Variants in ARHGEF37 observed in about 807,000 individuals in gnomAD.
ARHGEF37 encodes Rho guanine nucleotide exchange factor 37, also known as Rho guanine nucleotide exchange factor (GEF) 37.
ARHGEF37 carries 55 observed loss-of-function variants against 71.1 expected under a neutral mutation model. The ratio of observed to expected loss-of-function variants is 0.77; its 90% CI spans 0.62 to 0.97. The LOEUF is 0.97. Ranked by LOEUF, ARHGEF37 falls within the 50% of genes least tolerant of loss-of-function variation. The pLI is 0.00. For synonymous variants in ARHGEF37, 327 were observed against 350.6 expected, an observed-to-expected ratio of 0.93 and a Z score of 0.75; for missense variants, 765 against 836.8, an observed-to-expected ratio of 0.91 and a Z score of 1.06.
chr5:149,598,251 T>C (rs182900291), intron 2 of ARHGEF37, among the ~76,000 whole-genome samples: 1 of 143,736 alleles, frequency 7.0e-6, no homozygotes, highest in African/African-American at 2.5e-5. Flanking sequence ...TGGAACAGAT[T>C]GCTTAAACTG....
chr5:149,597,980 C>T, intron 2 of ARHGEF37, 25 bp downstream of exon 2: 1 of 1,544,546 alleles, frequency 6.5e-7, no homozygotes, highest in South Asian at 1.2e-5. Context: ...TCACACACAA[C>T]CTGTCTTTAT....
intron 1 of ARHGEF37, among the ~76,000 whole-genome samples, chr5:149,576,227 A>C (rs1246593376): frequency 6.6e-6 from 1 of 152,258 alleles, no homozygotes; most frequent in Non-Finnish European, 1.5e-5. Flanking sequence ...CCTGAGTGAC[A>C]AAGCGAGACT....
Position 149,616,724 on chromosome 5 carries a change from G to T in ARHGEF37, c.616G>T (p.Val206Leu). The change falls in exon 5 of 13, where the codon GTG (valine) becomes TTG (leucine). Residue 206 changes from valine to leucine, a missense_variant. Coordinates refer to ENST00000333677, the MANE Select transcript of ARHGEF37 (RefSeq NM_001001669.3). The part of the protein sequence containing the change: ...LQRAVSALQD[V>L]NTNINEYKMR... ...GAGGGCTGTCTCTGCCCTCCAGGACGTGAACACCAATATCAATGAGTACAA... is the reference window on the plus strand; with the variant it reads ...GAGGGCTGTCTCTGCCCTCCAGGACTTGAACACCAATATCAATGAGTACAA... The T allele has an allele frequency of 6.2e-7, 1 of 1,613,394 alleles. No individual in the cohort carries two copies. The highest frequency in any genetic ancestry group is 8.5e-7 in the Non-Finnish European group (1 of 1,179,416).
chr5:149,605,320 C>A (rs1321286667), intron 3 of ARHGEF37, among the ~76,000 whole-genome samples: 1 of 151,716 alleles, frequency 6.6e-6, no homozygotes, highest in Non-Finnish European at 1.5e-5. Context: ...ATTAAAGAAG[C>A]AACTGGAATT....
chr5:149,578,141 G>C (rs558789201), upstream of ARHGEF37, among the ~76,000 whole-genome samples: 1 of 152,246 alleles, frequency 6.6e-6, no homozygotes, highest in South Asian at 2.1e-4. Context: ...TACTAATCCA[G>C]TTCTCTAGCC....
At chr5:149,604,392 A>C (rs1763844738) in intron 3 of ARHGEF37, among the ~76,000 whole-genome samples, 1 of 152,222 alleles carries the variant, frequency 6.6e-6, no homozygotes, top group African/African-American at 2.4e-5. Flanking sequence ...TGTTTATCTA[A>C]AATTCAAATT....
At position 149,632,066 on chromosome 5, in the gene ARHGEF37, C is replaced by T; in HGVS notation, c.1903C>T (p.Gln635Ter). The T allele has an allele frequency of 6.2e-7, 1 of 1,614,232 alleles. No individual in the cohort carries two copies. Among genetic ancestry groups the T allele is most frequent in the Admixed American group, 1.7e-5 (1 of 60,026 alleles). Residue 635 changes from glutamine to a stop codon, truncating the protein, a stop_gained, in exon 13 of 13, where the codon CAG becomes TAG. Transcript: ENST00000333677. LOFTEE classifies it high-confidence loss of function. ...AGQPVTILEAQDKKGNPEWSL... is the reference protein window; with the variant it reads ...AGQPVTILEA ...CCAGCCTGTGACCATCCTGGAGGCC[C>T]AGGACAAGAAGGGGAACCCTGAGTG... is the stretch of plus-strand genomic sequence containing the variant.
At chr5:149,596,525 G>C (rs773365303) in intron 1 of ARHGEF37, among the ~76,000 whole-genome samples, 1 of 152,096 alleles carries the variant, frequency 6.6e-6, no homozygotes, top group Non-Finnish European at 1.5e-5. Flanking sequence ...GGCTGGTCTC[G>C]AACTCCTGAC....
intron 1 of ARHGEF37, among the ~76,000 whole-genome samples, chr5:149,563,572 G>A (rs1762862592): frequency 6.6e-6 from 1 of 152,140 alleles, no homozygotes; most frequent in Admixed American, 6.5e-5. Flanking sequence ...CTTTGTTTAG[G>A]CCATAAACCT....
intron 1 of ARHGEF37, among the ~76,000 whole-genome samples, chr5:149,559,300 G>A (rs1487584518): frequency 1.3e-5 from 2 of 152,154 alleles, no homozygotes; most frequent in Non-Finnish European, 2.9e-5. Flanking sequence ...CAGCCTGGGC[G>A]ACAGAACAAG....
intron 1 of ARHGEF37, among the ~76,000 whole-genome samples, chr5:149,555,445 T>C (rs553668891): frequency 4.6e-5 from 7 of 150,870 alleles, no homozygotes; most frequent in Non-Finnish European, 8.8e-5. Context: ...GCTAGGACTA[T>C]AGGCAGGCAC....
chr5:149,562,046 T>G (rs907740892), intron 1 of ARHGEF37, among the ~76,000 whole-genome samples: 1 of 152,202 alleles, frequency 6.6e-6, no homozygotes, highest in African/African-American at 2.4e-5. Context: ...GAGCTGGTCC[T>G]AAGAACACAT....
intron 4 of ARHGEF37, among the ~76,000 whole-genome samples, chr5:149,611,601 A>G (rs1408763728): frequency 6.6e-6 from 1 of 152,246 alleles, no homozygotes. Context: ...GCCCCTGGCC[A>G]TGAGAGAGCC....
chr5:149,607,306 G>T, intron 3 of ARHGEF37, among the ~76,000 whole-genome samples: 1 of 152,154 alleles, frequency 6.6e-6, no homozygotes, highest in East Asian at 1.9e-4. Flanking sequence ...TGCCCTTGTG[G>T]CCAGCACTGT....
At chr5:149,626,287 CGCCT>C (rs1347012290) in intron 10 of ARHGEF37, among the ~76,000 whole-genome samples, 1 of 112,448 alleles carries the variant, frequency 8.9e-6, no homozygotes, top group Non-Finnish European at 2.1e-5. Context: ...CACACACACA[CGCCT>C]CTCTCAAGAC....
intron 5 of ARHGEF37, among the ~76,000 whole-genome samples, chr5:149,617,908 C>T (rs1379290555): frequency 3.3e-5 from 5 of 152,160 alleles, no homozygotes; most frequent in African/African-American, 9.7e-5. Context: ...AGCAATCCTG[C>T]GAGGTGGCTG....
In ARHGEF37 at chr5:149,632,335, A is replaced by G. The variant is rs926098170; in HGVS notation, c.*144A>G. On this transcript the variant is annotated 3_prime_UTR_variant, in exon 13 of 13. Transcript: ENST00000333677. ...TGAAGCACACTCAGGAGGCAGCCAG[A>G]AGACATGGGCGGGCCTCGCAGAGTG... 17 of 903,286 alleles carry G rather than the reference A, an allele frequency of 1.9e-5. No homozygotes were observed. Among genetic ancestry groups the G allele is most frequent in the Non-Finnish European group, 2.1e-5 (13 of 604,990 alleles). The allele number at this position is 903,286 out of a possible 1,614,324, so 56.0% of individuals were successfully genotyped here. A position where few individuals can be genotyped will look rare whatever the true frequency, so the allele number is the denominator to read the frequency against.
intron 1 of ARHGEF37, among the ~76,000 whole-genome samples, chr5:149,586,054 A>G (rs1392811530): frequency 1.3e-5 from 2 of 152,238 alleles, no homozygotes; most frequent in Non-Finnish European, 2.9e-5. Flanking sequence ...AGTAAACACT[A>G]GGTAATGCAC....
chr5:149,559,673 T>C (rs951737832), intron 1 of ARHGEF37, among the ~76,000 whole-genome samples: 1 of 152,266 alleles, frequency 6.6e-6, no homozygotes, highest in Admixed American at 6.5e-5. Context: ...TTTCCAATTA[T>C]GTTTTGATAT....
Sources: gnomAD v4.1 joint callset for allele counts (sites outside exome capture counted in the v4.1 genomes callset) on GRCh38, gnomAD v4.1.1 for gene constraint, MANE v1.5 for transcripts, NCBI Gene and HGNC (gene_info 2026-07-23, HGNC 2026-07-21) for gene names.